The following SYTL2 variants were observed in gnomAD, a reference collection of about 807,000 sequenced individuals.
The protein encoded by SYTL2 is synaptotagmin like 2, also known as synaptotagmin-like protein 2.
A neutral mutation model predicts 198.7 loss-of-function variants in SYTL2; 165 were observed. That is an observed-to-expected ratio of 0.83 (90% confidence interval 0.73 to 0.94). SYTL2 has a LOEUF of 0.94. Among genes scored for constraint, SYTL2 ranks in the 40% least tolerant of loss-of-function variants. The pLI is 0.00. For missense variants in SYTL2, 2,835 were observed against 2,582.8 expected (o/e 1.10, Z -2.12); for synonymous variants, 966 against 917.7 (o/e 1.05, Z -0.95).
chr11:85,772,147 G>A (rs1026803184), intron 1 of SYTL2, among the ~76,000 whole-genome samples: 1 of 152,002 alleles, frequency 6.6e-6, no homozygotes. Flanking sequence ...CGAGCCACTC[G>A]CCTTGGCCTC....
chr11:85,801,152 A>G (rs1370490918), intron 1 of SYTL2, among the ~76,000 whole-genome samples: 1 of 152,228 alleles, frequency 6.6e-6, no homozygotes, highest in Non-Finnish European at 1.5e-5. Flanking sequence ...AAGAAACTCA[A>G]CAGCTGCTAA....
chr11:85,736,907 A>G (rs909358593), intron 5 of SYTL2, among the ~76,000 whole-genome samples: 3 of 152,226 alleles, frequency 2.0e-5, no homozygotes, highest in Non-Finnish European at 4.4e-5. Context: ...CCCCGGATAT[A>G]GCAAAGACCA....
chr11:85,804,089 G>A (rs979049773), intron 1 of SYTL2, among the ~76,000 whole-genome samples: 19 of 152,206 alleles, frequency 1.2e-4, no homozygotes, highest in African/African-American at 4.6e-4. Context: ...TCCAGGTAGT[G>A]TTGATTCTTA....
chr11:85,709,503 G>T lies in SYTL2; in HGVS notation c.5746-3C>A. On this transcript the variant is annotated splice_region_variant and splice_polypyrimidine_tract_variant and intron_variant, in intron 13 of 19. Transcript: ENST00000359152. ...ACACTCATCACACTGCCACTCACCT[G>T]AAAGCATCAGAAATACATAGTGTTT... The T allele has an allele frequency of 6.2e-7, 1 of 1,612,894 alleles. No homozygotes were observed. Among genetic ancestry groups the T allele is most frequent in the Non-Finnish European group, 8.5e-7 (1 of 1,179,664 alleles).
intron 4 of SYTL2, among the ~76,000 whole-genome samples, chr11:85,738,577 GA>G (rs1045060187): frequency 1.3e-5 from 2 of 151,894 alleles, no homozygotes; most frequent in African/African-American, 4.8e-5. Context: ...TAGAAACAGT[GA>G]AAAAAGAAAC....
At chr11:85,742,330 C>T (rs1417387039) in intron 4 of SYTL2, among the ~76,000 whole-genome samples, 2 of 152,166 alleles carry the variant, frequency 1.3e-5, no homozygotes, top group Non-Finnish European at 2.9e-5. Flanking sequence ...TTAGTAAAAC[C>T]AGAACAGACC....
intron 1 of SYTL2, among the ~76,000 whole-genome samples, chr11:85,805,557 G>A (rs2092947988): frequency 6.6e-6 from 1 of 152,148 alleles, no homozygotes; most frequent in African/African-American, 2.4e-5. Context: ...CAGCCTCAAA[G>A]CCCTGTGTTT....
At chr11:85,833,142 GGAAGGAAGGAAGGAAAGAAA>G in the SYTL2 span, among the ~76,000 whole-genome samples, 1,681 of 88,988 alleles carry the variant, frequency 0.019, 174 homozygotes, top group African/African-American at 0.046. Flanking sequence ...AAGGAAGGAA[GGAAGGAAGGAAGGAAAGAAA>G]GAAAGAAAGA....
At chr11:85,837,849 C>T in the SYTL2 span, among the ~76,000 whole-genome samples, 1 of 152,164 alleles carries the variant, frequency 6.6e-6, no homozygotes, top group Admixed American at 6.5e-5. Context: ...CCTTCTGTAA[C>T]TGGTCTTTTC....
chr11:85,836,764 T>G, the SYTL2 span, among the ~76,000 whole-genome samples: 1 of 152,328 alleles, frequency 6.6e-6, no homozygotes, highest in East Asian at 1.9e-4. Context: ...AACTTTGTTA[T>G]ACTTAGTATA....
At chr11:85,771,686 G>A (rs1000536756) in intron 1 of SYTL2, among the ~76,000 whole-genome samples, 4 of 152,080 alleles carry the variant, frequency 2.6e-5, no homozygotes, top group Non-Finnish European at 5.9e-5. Context: ...GAAAAAGAAC[G>A]TAAGATTTAA....
chr11:85,797,335 T>C (rs751590314), intron 1 of SYTL2, among the ~76,000 whole-genome samples: 6 of 152,160 alleles, frequency 3.9e-5, no homozygotes, highest in Non-Finnish European at 8.8e-5. Flanking sequence ...TAGAAAATGT[T>C]AGTCTTTTTT....
At chr11:85,815,038 C>A (rs1198102273), upstream of SYTL2, among the ~76,000 whole-genome samples, 1 of 152,178 alleles carries the variant, frequency 6.6e-6, no homozygotes, top group African/African-American at 2.4e-5. Context: ...GGGACCCCTT[C>A]TTTCTCTTGT....
chr11:85,757,248 A>T (rs11501831), intron 2 of SYTL2, among the ~76,000 whole-genome samples: 1 of 140,854 alleles, frequency 7.1e-6, no homozygotes, highest in Admixed American at 7.0e-5. Flanking sequence ...AAAATTTTTT[A>T]AAATTCTAAT....
chr11:85,709,642 C>G (rs1191527221), intron 13 of SYTL2, 142 bp from the exon 14 acceptor site: 6 of 737,736 alleles, frequency 8.1e-6, no homozygotes, highest in Middle Eastern at 3.9e-4. Context: ...AAAGACATAT[C>G]TATAAAGACA....
intron 2 of SYTL2, among the ~76,000 whole-genome samples, chr11:85,750,017 C>T (rs2091417572): frequency 6.6e-6 from 1 of 152,170 alleles, no homozygotes; most frequent in Non-Finnish European, 1.5e-5. Context: ...TTTTCCAGCA[C>T]TCACGCCCAT....
chr11:85,731,817 T>A (rs1358784121), intron 7 of SYTL2, among the ~76,000 whole-genome samples: 1 of 152,014 alleles, frequency 6.6e-6, no homozygotes, highest in Non-Finnish European at 1.5e-5. Flanking sequence ...TGGGAGAAAA[T>A]TTTTGCAATC....
In SYTL2 at chr11:85,725,867, C is replaced by A. The variant is rs369714015; in HGVS notation, c.3491G>T (p.Ser1164Ile). 6.2e-7 allele frequency: 1 copy of A among 1,613,742 alleles called. No homozygotes were observed. The highest frequency in any genetic ancestry group is 1.7e-5 in the Admixed American group (1 of 59,946). Residue 1164 changes from serine (S) to isoleucine (I), a missense_variant, in exon 8 of 20, where the codon AGT becomes ATT. Coordinates refer to ENST00000359152, the MANE Select transcript of SYTL2 (RefSeq NM_206927.4). Reference sequence around the variant, plus strand: ...AGGCCATGTCCTATTTTCAGAAACACTTGGTTCAAGCACTTGTTTTCCATG... The same window carrying A: ...AGGCCATGTCCTATTTTCAGAAACAATTGGTTCAAGCACTTGTTTTCCATG... The part of the protein sequence containing the change: ...KVHGKQVLEP[S>I]VSENRTWPQK...
intron 1 of SYTL2, among the ~76,000 whole-genome samples, chr11:85,802,192 C>T (rs11234415): frequency 0.037 from 5,601 of 151,208 alleles, 173 homozygotes; most frequent in East Asian, 0.11. Context: ...TTCCTCCCCA[C>T]CACACTCTCT....
Sources: allele counts gnomAD v4.1 joint callset (sites outside exome capture counted in the v4.1 genomes callset), GRCh38; gene constraint gnomAD v4.1.1; transcripts MANE v1.5; gene names NCBI Gene and HGNC (gene_info 2026-07-23, HGNC 2026-07-21).